ADGRL2: variants seen among roughly 807,000 people sequenced by gnomAD.
The protein encoded by ADGRL2 is calcium-independent alpha-latrotoxin receptor 2.
Under a neutral mutation model 157.4 loss-of-function variants are expected in ADGRL2, and 44 were observed. The ratio of observed to expected loss-of-function variants is 0.28; its 90% confidence interval spans 0.22 to 0.36. The LOEUF is 0.36. ADGRL2 is among the 10% of genes least tolerant of loss of function. The pLI, the probability that ADGRL2 is intolerant of heterozygous loss-of-function variation, is 1.00. For missense variants in ADGRL2, 1,510 were observed against 1,768.9 expected, an observed-to-expected ratio of 0.85 and a Z score of 2.63; for synonymous variants, 585 against 624.7, an observed-to-expected ratio of 0.94 and a Z score of 0.95.
At chr1:81,416,216 C>T (rs1185319835) in intron 1 of ADGRL2, among the ~76,000 whole-genome samples, 3 of 151,746 alleles carry the variant, frequency 2.0e-5, no homozygotes, top group African/African-American at 7.3e-5. Context: ...AGGGTGAAAA[C>T]AGTTACATTC....
At chr1:81,543,026 T>C (rs2079923799) in intron 2 of ADGRL2, among the ~76,000 whole-genome samples, 2 of 152,040 alleles carry the variant, frequency 1.3e-5, no homozygotes, top group Non-Finnish European at 2.9e-5. Flanking sequence ...TTTTTTTGGT[T>C]TTGCTGTTTT....
intron 2 of ADGRL2, among the ~76,000 whole-genome samples, chr1:81,558,417 T>C (rs1413997671): frequency 6.6e-6 from 1 of 152,210 alleles, no homozygotes; most frequent in Non-Finnish European, 1.5e-5. Context: ...GTCATTTGAA[T>C]GTCAGAATCA....
chr1:81,925,135 A>G (rs1426804941), intron 3 of ADGRL2, among the ~76,000 whole-genome samples: 2 of 152,086 alleles, frequency 1.3e-5, no homozygotes, highest in South Asian at 2.1e-4. Context: ...TTGAAATTCA[A>G]TAGTTAATAG....
chr1:81,733,818 C>T (rs1229443195), intron 1 of ADGRL2, among the ~76,000 whole-genome samples: 1 of 152,108 alleles, frequency 6.6e-6, no homozygotes, highest in Non-Finnish European at 1.5e-5. Context: ...TAACTGCAGA[C>T]ACTGGGGCTG....
At chr1:81,576,326 T>G (rs549024191) in intron 2 of ADGRL2, among the ~76,000 whole-genome samples, 1 of 152,284 alleles carries the variant, frequency 6.6e-6, no homozygotes, top group African/African-American at 2.4e-5. Flanking sequence ...GCTTTTCTGC[T>G]TTCTTTTCTT....
At chr1:81,346,449 T>C (rs1662487742) in intron 1 of ADGRL2, among the ~76,000 whole-genome samples, 1 of 152,200 alleles carries the variant, frequency 6.6e-6, no homozygotes, top group Admixed American at 6.5e-5. Context: ...CAGAGGCTAC[T>C]ATTAACTTGT....
intron 3 of ADGRL2, among the ~76,000 whole-genome samples, chr1:81,650,905 C>T (rs1313631902): frequency 6.6e-6 from 1 of 152,096 alleles, no homozygotes; most frequent in Non-Finnish European, 1.5e-5. Context: ...CTTTCCCTGC[C>T]CCCACCTCCA....
intron 2 of ADGRL2, among the ~76,000 whole-genome samples, chr1:81,889,882 A>G (rs1392337032): frequency 6.6e-6 from 1 of 152,160 alleles, no homozygotes; most frequent in African/African-American, 2.4e-5. Context: ...AAGTCTGAGG[A>G]ATACAGATGT....
At chr1:81,768,801 C>A (rs990572710) in intron 2 of ADGRL2, among the ~76,000 whole-genome samples, 24 of 152,086 alleles carry the variant, frequency 1.6e-4, no homozygotes, top group African/African-American at 5.6e-4. Flanking sequence ...AAAAATTAGG[C>A]CAGGCGATGT....
intron 1 of ADGRL2, among the ~76,000 whole-genome samples, chr1:81,333,482 C>T (rs1252124104): frequency 6.6e-6 from 1 of 152,136 alleles, no homozygotes; most frequent in Non-Finnish European, 1.5e-5. Flanking sequence ...GTGGCACCAT[C>T]TTGGCTCACA....
intron 2 of ADGRL2, among the ~76,000 whole-genome samples, chr1:81,867,270 T>A (rs1296604117): frequency 6.6e-6 from 1 of 152,210 alleles, no homozygotes; most frequent in East Asian, 1.9e-4. Context: ...CAAAAAAGCC[T>A]GTATATAAAG....
intron 2 of ADGRL2, among the ~76,000 whole-genome samples, chr1:81,839,743 A>C (rs1188951318): frequency 8.0e-6 from 1 of 124,424 alleles, no homozygotes; most frequent in Non-Finnish European, 1.9e-5. Context: ...GTATTCCATC[A>C]TATATATATA....
chr1:81,969,430 T>G (rs1352868718), intron 15 of ADGRL2, 43 bp downstream of exon 15: 1 of 1,379,912 alleles, frequency 7.2e-7, no homozygotes, highest in Non-Finnish European at 1.0e-6. Context: ...CTCTGAAAAT[T>G]ATTTTAGTAG....
At chr1:81,511,295 A>G (rs887855634) in intron 2 of ADGRL2, among the ~76,000 whole-genome samples, 1 of 150,688 alleles carries the variant, frequency 6.6e-6, no homozygotes, top group Non-Finnish European at 1.5e-5. Flanking sequence ...AGTCCCAGCT[A>G]CTTGGAAGGT....
At chr1:81,527,659 C>CGCCACTG (rs1387531905) in intron 2 of ADGRL2, among the ~76,000 whole-genome samples, 1 of 151,718 alleles carries the variant, frequency 6.6e-6, no homozygotes, top group Non-Finnish European at 1.5e-5. Context: ...TTGCAGTGAG[C>CGCCACTG]CAAGATCGCG....
At chr1:81,872,289 T>C (rs1336269375) in intron 2 of ADGRL2, among the ~76,000 whole-genome samples, 1 of 152,196 alleles carries the variant, frequency 6.6e-6, no homozygotes, top group South Asian at 2.1e-4. Flanking sequence ...TCCATTGGTC[T>C]ATATCTGTTT....
At chr1:81,515,238 T>G (rs1570347685) in intron 2 of ADGRL2, 1 of 152,180 alleles carries the variant, frequency 6.6e-6, no homozygotes, top group East Asian at 1.9e-4. Flanking sequence ...TCATTTAAAC[T>G]GAAGCATCAG....
chr1:81,814,633 AT>A (rs915902486), intron 1 of ADGRL2, among the ~76,000 whole-genome samples: 102 of 151,546 alleles, frequency 6.7e-4, no homozygotes, highest in African/African-American at 2.5e-3. Context: ...AGAAATTAAT[AT>A]TTTTATTTTA....
intron 1 of ADGRL2, among the ~76,000 whole-genome samples, chr1:81,806,294 C>G (rs1242007964): frequency 6.6e-6 from 1 of 152,030 alleles, no homozygotes; most frequent in Non-Finnish European, 1.5e-5. Context: ...ATACAGATCT[C>G]ACATGCAGTA....
Sources: gnomAD v4.1 joint callset for allele counts (sites outside exome capture counted in the v4.1 genomes callset) on GRCh38, gnomAD v4.1.1 for gene constraint, MANE v1.5 for transcripts, NCBI Gene and HGNC (gene_info 2026-07-23, HGNC 2026-07-21) for gene names.